Variants in TNKS observed in about 807,000 individuals in gnomAD.
TNKS encodes the protein poly [ADP-ribose] polymerase tankyrase-1.
In TNKS, 72 loss-of-function variants were observed where a neutral mutation model predicts 135.8. The observed-to-expected ratio is 0.53, with a 90% CI of 0.44 to 0.64. TNKS has a LOEUF of 0.64. TNKS is among the 30% of genes least tolerant of loss of function. TNKS has a pLI of 0.00. For missense variants in TNKS, 1,769 were observed against 1,674.0 expected (o/e 1.06, Z -0.99); for synonymous variants, 849 against 649.3 (o/e 1.31, Z -4.68).
intron 2 of TNKS, among the ~76,000 whole-genome samples, chr8:9,595,982 C>T (rs1224696088): frequency 1.3e-5 from 2 of 152,020 alleles, no homozygotes; most frequent in East Asian, 3.9e-4. Context: ...GGTGGTGGCA[C>T]ACACCTGTGG....
chr8:9,678,992 A>G, intron 3 of TNKS, among the ~76,000 whole-genome samples: 1 of 152,292 alleles, frequency 6.6e-6, no homozygotes. Context: ...CAAACACTGT[A>G]TTATTAACAT....
intron 1 of TNKS, among the ~76,000 whole-genome samples, chr8:9,567,447 G>T (rs960187809): frequency 6.6e-6 from 1 of 152,034 alleles, no homozygotes; most frequent in Non-Finnish European, 1.5e-5. Flanking sequence ...ACGGAGTCTC[G>T]CTCTGTCGCC....
chr8:9,583,328 G>A (rs972806288), intron 2 of TNKS, among the ~76,000 whole-genome samples: 1 of 152,048 alleles, frequency 6.6e-6, no homozygotes, highest in African/African-American at 2.4e-5. Flanking sequence ...CTGTGGTCTT[G>A]GGAATGTTGA....
chr8:9,715,362 G>C lies in TNKS; in HGVS notation c.1750-5012G>C, dbSNP rs56293196. Among the ~76,000 whole-genome samples, 19 of 150,828 alleles carry C rather than the reference G, an allele frequency of 1.3e-4. No homozygotes were observed. The South Asian group carries it at 2.7e-3, about 22-fold the overall frequency. On this transcript the variant is annotated intron_variant, in intron 11 of 26. Transcript: ENST00000310430. ...AGGAAAGAGGTTGTACTAGCAGCAG[G>C]GGGGGCGGGTATGATCATCTCTGGT...
chr8:9,638,902 A>G (rs562886619), intron 3 of TNKS, among the ~76,000 whole-genome samples: 115 of 152,310 alleles, frequency 7.6e-4, no homozygotes, highest in African/African-American at 2.5e-3. Context: ...TGACAGGGCA[A>G]AAGAACCTAA....
intron 3 of TNKS, among the ~76,000 whole-genome samples, chr8:9,632,096 G>C (rs1041781152): frequency 6.6e-6 from 1 of 152,090 alleles, no homozygotes; most frequent in Non-Finnish European, 1.5e-5. Flanking sequence ...TTAGACCTTT[G>C]ATAAGTAGAA....
chr8:9,620,043 G>A (rs1342620186), intron 3 of TNKS, among the ~76,000 whole-genome samples: 2 of 151,588 alleles, frequency 1.3e-5, no homozygotes, highest in Non-Finnish European at 2.9e-5. Flanking sequence ...TCCGCCTCCC[G>A]GGTTTAAGCG....
chr8:9,757,769 C>G (rs929821416), intron 20 of TNKS, among the ~76,000 whole-genome samples: 2 of 152,172 alleles, frequency 1.3e-5, no homozygotes, highest in African/African-American at 4.8e-5. Context: ...ATGTAACTTT[C>G]CAACTATAAG....
At chr8:9,563,899 A>G (rs1193405554) in intron 1 of TNKS, among the ~76,000 whole-genome samples, 1 of 152,182 alleles carries the variant, frequency 6.6e-6, no homozygotes, top group Non-Finnish European at 1.5e-5. Context: ...ACAGAAATTA[A>G]TTACTAAATA....
intron 5 of TNKS, among the ~76,000 whole-genome samples, chr8:9,694,001 G>A (rs1263009894): frequency 6.6e-6 from 1 of 152,192 alleles, no homozygotes; most frequent in East Asian, 1.9e-4. Flanking sequence ...TCCCAAAGGA[G>A]TTGGTCTAGG....
At chr8:9,613,600 A>T (rs1799538689) in intron 2 of TNKS, among the ~76,000 whole-genome samples, 1 of 152,208 alleles carries the variant, frequency 6.6e-6, no homozygotes, top group African/African-American at 2.4e-5. Flanking sequence ...TTGCTACATT[A>T]CTTTGCTGTA....
chr8:9,636,939 C>A (rs991382819), intron 3 of TNKS, among the ~76,000 whole-genome samples: 1 of 152,114 alleles, frequency 6.6e-6, no homozygotes, highest in Non-Finnish European at 1.5e-5. Flanking sequence ...TTTAGAGTAC[C>A]TTAATATTGT....
chr8:9,556,375 C>A lies in TNKS; in HGVS notation c.436C>A (p.Pro146Thr). The change falls in exon 1 of 27, where the codon CCT (proline) becomes ACT (threonine). Residue 146 changes from proline (P) to threonine (T), a missense_variant. Pro to Thr is a conservative substitution (Grantham distance 38). Coordinates refer to ENST00000310430, the MANE Select transcript of TNKS (RefSeq NM_003747.3). ...TTCCTCATCTTCCTCTCCATCCTCC[C>A]CTGGATCGAGCTTGGCGGAGAGCCC... ...TSSSSSSPSS[P>T]GSSLAESPEA... The A allele has an allele frequency of 1.2e-6, 2 of 1,614,246 alleles. No homozygotes were observed. Among genetic ancestry groups the A allele is most frequent in the Non-Finnish European group, 1.7e-6 (2 of 1,180,050 alleles).
intron 2 of TNKS, among the ~76,000 whole-genome samples, chr8:9,611,365 G>T (rs942630138): frequency 2.0e-5 from 3 of 152,030 alleles, no homozygotes; most frequent in Non-Finnish European, 2.9e-5. Context: ...ACCTTACTTT[G>T]TACATTGTTG....
At chr8:9,608,142 T>G (rs899986143) in intron 2 of TNKS, among the ~76,000 whole-genome samples, 2 of 152,106 alleles carry the variant, frequency 1.3e-5, no homozygotes, top group Non-Finnish European at 2.9e-5. Flanking sequence ...GGTCTCCCTA[T>G]GTTGCCCAGG....
At chr8:9,757,114 T>C (rs1241807981) in intron 20 of TNKS, among the ~76,000 whole-genome samples, 4 of 152,144 alleles carry the variant, frequency 2.6e-5, no homozygotes, top group African/African-American at 9.7e-5. Flanking sequence ...GTAGCTGGGA[T>C]TACAGGCATA....
chr8:9,622,549 C>T (rs962997821), intron 3 of TNKS, among the ~76,000 whole-genome samples: 2 of 152,170 alleles, frequency 1.3e-5, no homozygotes, highest in Admixed American at 1.3e-4. Flanking sequence ...AGCAGTTTGG[C>T]TCCAGGATCA....
chr8:9,570,914 A>G (rs1797731065), intron 1 of TNKS, among the ~76,000 whole-genome samples: 1 of 152,168 alleles, frequency 6.6e-6, no homozygotes, highest in Non-Finnish European at 1.5e-5. Context: ...GTTTGCAGTG[A>G]GCTCTGATCA....
chr8:9,676,684 C>CTGTGTG (rs762391942), intron 3 of TNKS, among the ~76,000 whole-genome samples: 249 of 59,206 alleles, frequency 4.2e-3, no homozygotes, highest in South Asian at 8.0e-3. Flanking sequence ...CTCTCTCTCT[C>CTGTGTG]TCTGTGTGTG....
Sources: allele counts gnomAD v4.1 joint callset (sites outside exome capture counted in the v4.1 genomes callset), GRCh38; gene constraint gnomAD v4.1.1; transcripts MANE v1.5; gene names NCBI Gene and HGNC (gene_info 2026-07-23, HGNC 2026-07-21).